Variants in INPP4A observed in about 807,000 individuals in gnomAD.
INPP4A encodes the protein inositol polyphosphate-4-phosphatase type I A, also known as inositol polyphosphate-4-phosphatase, type I, 107kD.
INPP4A carries 33 observed loss-of-function variants against 119.8 expected under a neutral mutation model. The observed-to-expected ratio is 0.28, with a 90% confidence interval of 0.21 to 0.37. The LOEUF is 0.37. Ranked by LOEUF, INPP4A falls within the 10% of genes least tolerant of loss-of-function variation. The probability of loss-of-function intolerance (pLI) is 1.00; values close to 1 mark genes in which losing one functional copy is unlikely to be tolerated. For synonymous variants in INPP4A, 496 were observed against 500.7 expected (o/e 0.99, Z 0.12); for missense variants, 956 against 1,289.9 (o/e 0.74, Z 3.97).
rs777938081 is a variant in INPP4A at position 98,555,708 on chromosome 2, C to A, written c.1722C>A (p.His574Gln). The change falls in exon 16 of 25, where the codon CAC becomes CAA. Residue 574 changes from histidine (H) to glutamine (Q), a missense_variant. By Grantham distance (24) the His-to-Gln change is conservative. Transcript: ENST00000409851. ...CTSKKGNPDS[H>Q]AYWIRPEDPF... is the part of the protein sequence containing the mutation. Reference sequence around the variant, plus strand: ...GCAAGAAAGGTAACCCGGACAGCCACGCCTACTGGATCAGACCAGAAGACC... The same window carrying A: ...GCAAGAAAGGTAACCCGGACAGCCAAGCCTACTGGATCAGACCAGAAGACC... 1.1e-5 allele frequency: 18 copies of A among 1,612,854 alleles called. No homozygotes were observed. Among genetic ancestry groups the A allele is most frequent in the Non-Finnish European group, 1.5e-5 (18 of 1,179,314 alleles).
chr2:98,585,773 C>T (rs1034667344), intron 24 of INPP4A, among the ~76,000 whole-genome samples: 3 of 152,256 alleles, frequency 2.0e-5, no homozygotes, highest in African/African-American at 7.2e-5. Flanking sequence ...ATTAGAATTT[C>T]ACATCTGATG....
chr2:98,513,162 G>T (rs558513328), intron 1 of INPP4A, among the ~76,000 whole-genome samples: 1 of 152,056 alleles, frequency 6.6e-6, no homozygotes, highest in African/African-American at 2.4e-5. Context: ...CTGCTGTATC[G>T]TAGGCCCAAC....
chr2:98,502,890 T>C (rs1378537808), intron 1 of INPP4A, among the ~76,000 whole-genome samples: 1 of 152,224 alleles, frequency 6.6e-6, no homozygotes, highest in African/African-American at 2.4e-5. Context: ...GGTTTTAGTT[T>C]CTTTTGTTGT....
intron 22 of INPP4A, among the ~76,000 whole-genome samples, chr2:98,572,247 C>T (rs1697596735): frequency 6.6e-6 from 1 of 152,220 alleles, no homozygotes; most frequent in South Asian, 2.1e-4. Context: ...TCTTCAGGCC[C>T]AAGGGGTCCT....
intron 10 of INPP4A, among the ~76,000 whole-genome samples, chr2:98,543,013 A>G (rs540599129): frequency 2.0e-5 from 3 of 151,454 alleles, no homozygotes; most frequent in South Asian, 2.1e-4. Context: ...CCCGCCTCCC[A>G]GGTTCACGCC....
chr2:98,465,805 T>C (rs533555293), intron 1 of INPP4A, among the ~76,000 whole-genome samples: 1 of 152,300 alleles, frequency 6.6e-6, no homozygotes, highest in Middle Eastern at 3.4e-3. Flanking sequence ...TGAGCCCCTG[T>C]TCCTGTGAGG....
intron 1 of INPP4A, among the ~76,000 whole-genome samples, chr2:98,471,049 G>A (rs1180800185): frequency 6.6e-6 from 1 of 152,194 alleles, no homozygotes; most frequent in Admixed American, 6.5e-5. Context: ...CAACCTTGTT[G>A]ACCTGTAGTT....
intron 4 of INPP4A, among the ~76,000 whole-genome samples, chr2:98,522,157 C>T (rs1006206060): frequency 4.0e-5 from 6 of 151,630 alleles, no homozygotes; most frequent in African/African-American, 1.2e-4. Context: ...CATGATGGTG[C>T]GTGCCTGTAA....
intron 1 of INPP4A, among the ~76,000 whole-genome samples, chr2:98,498,088 G>A (rs1002893874): frequency 1.3e-5 from 2 of 152,154 alleles, no homozygotes; most frequent in Non-Finnish European, 2.9e-5. Context: ...TGTTGGGAAG[G>A]CATGATTGGT....
intron 1 of INPP4A, among the ~76,000 whole-genome samples, chr2:98,446,989 T>A (rs1005157484): frequency 6.6e-6 from 1 of 152,190 alleles, no homozygotes; most frequent in African/African-American, 2.4e-5. Flanking sequence ...ACCAGCTGCC[T>A]GCCTAAGAGG....
At chr2:98,552,068 G>A (rs533142162) in intron 13 of INPP4A, among the ~76,000 whole-genome samples, 260 of 152,298 alleles carry the variant, frequency 1.7e-3, no homozygotes, top group Middle Eastern at 3.4e-3. Context: ...GCTTGGTGGC[G>A]AAGAGGTGGG....
intron 16 of INPP4A, among the ~76,000 whole-genome samples, chr2:98,557,250 A>G (rs1019544404): frequency 6.6e-6 from 1 of 152,264 alleles, no homozygotes; most frequent in Non-Finnish European, 1.5e-5. Flanking sequence ...TGCGTGTGCC[A>G]TAAAAATCAG....
In INPP4A at chr2:98,593,587, A is replaced by G. The variant is rs1002275962; in HGVS notation, c.*5979A>G. On this transcript the variant is annotated 3_prime_UTR_variant, in exon 25 of 25. Transcript: ENST00000409851. ...TAGGTCCATCCCAGACTCTCCCCCA[A>G]GGTCCAGATTACCTATACATCTAAG... The G allele has an allele frequency of 1.3e-5, 2 of 152,216 alleles. No individual in the cohort carries two copies. The highest frequency in any genetic ancestry group is 4.8e-5 in the African/African-American group (2 of 41,434). The allele number at this position is 152,216 out of a possible 1,614,324, so 9.4% of individuals were successfully genotyped here. A position where few individuals can be genotyped will look rare whatever the true frequency, so the allele number is the denominator to read the frequency against.
intron 1 of INPP4A, among the ~76,000 whole-genome samples, chr2:98,464,941 C>G (rs2104716311): frequency 6.6e-6 from 1 of 152,302 alleles, no homozygotes; most frequent in Non-Finnish European, 1.5e-5. Context: ...TATTGCAGTA[C>G]AAGGTTGTAG....
At chr2:98,502,436 A>G (rs1353032373) in intron 1 of INPP4A, among the ~76,000 whole-genome samples, 1 of 152,104 alleles carries the variant, frequency 6.6e-6, no homozygotes, top group Admixed American at 6.6e-5. Flanking sequence ...AGCTACCAAG[A>G]GTGTTTTAAA....
intron 17 of INPP4A, among the ~76,000 whole-genome samples, chr2:98,560,753 A>G (rs1342021383): frequency 6.6e-6 from 1 of 152,226 alleles, no homozygotes; most frequent in African/African-American, 2.4e-5. Context: ...GTGGTGCCCA[A>G]GCCTGGGGCC....
intron 1 of INPP4A, among the ~76,000 whole-genome samples, chr2:98,449,403 A>G (rs1195558664): frequency 6.6e-6 from 1 of 152,214 alleles, no homozygotes; most frequent in Non-Finnish European, 1.5e-5. Context: ...AATAGATTAT[A>G]GTCCATTACT....
At chr2:98,450,866 G>C (rs1695104456) in intron 1 of INPP4A, among the ~76,000 whole-genome samples, 1 of 152,032 alleles carries the variant, frequency 6.6e-6, no homozygotes, top group African/African-American at 2.4e-5. Flanking sequence ...CCGCCCCCTG[G>C]GTTCAAGCAG....
intron 1 of INPP4A, among the ~76,000 whole-genome samples, chr2:98,511,416 A>G (rs1477381419): frequency 6.6e-6 from 1 of 152,194 alleles, no homozygotes; most frequent in Non-Finnish European, 1.5e-5. Context: ...GTTTTGCAGC[A>G]TGCTTGGGTG....
Sources: gnomAD v4.1 joint callset for allele counts (sites outside exome capture counted in the v4.1 genomes callset) on GRCh38, gnomAD v4.1.1 for gene constraint, MANE v1.5 for transcripts, NCBI Gene and HGNC (gene_info 2026-07-23, HGNC 2026-07-21) for gene names.